The following KCNT2 variants were observed in gnomAD, a reference collection of about 807,000 sequenced individuals.
The protein encoded by KCNT2 is potassium channel subfamily T member 2.
In KCNT2, 67 loss-of-function variants were observed where a neutral mutation model predicts 153.8. The observed-to-expected ratio is 0.44, with a 90% CI of 0.36 to 0.53. KCNT2 has a LOEUF of 0.53. KCNT2 is among the 20% of genes least tolerant of loss of function. The pLI is 0.00. For synonymous variants in KCNT2, 500 were observed against 458.8 expected (o/e 1.09, Z -1.15); for missense variants, 975 against 1,354.8 (o/e 0.72, Z 4.40).
At chr1:196,545,112 A>G (rs1231277536) in intron 1 of KCNT2, among the ~76,000 whole-genome samples, 1 of 152,088 alleles carries the variant, frequency 6.6e-6, no homozygotes, top group Non-Finnish European at 1.5e-5. Flanking sequence ...TGATTCAAAT[A>G]TATTTATAGT....
intron 20 of KCNT2, among the ~76,000 whole-genome samples, chr1:196,317,644 G>A (rs11806027): frequency 0.02 from 3,073 of 151,668 alleles, 85 homozygotes; most frequent in African/African-American, 0.07. Flanking sequence ...GGGCAGTCGA[G>A]GATAAGAGTG....
intron 1 of KCNT2, among the ~76,000 whole-genome samples, chr1:196,574,592 G>A (rs922139077): frequency 6.6e-5 from 10 of 151,588 alleles, no homozygotes; most frequent in Admixed American, 6.6e-5. Context: ...TCCAAATTTC[G>A]AATTGTTTTT....
chr1:196,552,757 G>C (rs1383435825), intron 1 of KCNT2, among the ~76,000 whole-genome samples: 1 of 151,284 alleles, frequency 6.6e-6, no homozygotes, highest in Non-Finnish European at 1.5e-5. Context: ...CAATAAAAAG[G>C]TAAAAAGCAG....
In KCNT2 at chr1:196,555,613, A is replaced by C. The variant is rs1658538809; in HGVS notation, c.95+52602T>G. Among the ~76,000 whole-genome samples, 4 of 151,570 alleles carry C rather than the reference A, an allele frequency of 2.6e-5. No homozygotes were observed. In the South Asian group the frequency reaches 8.3e-4, roughly 31 times the overall value. ...TACTTATTCAATGCCATCCCAATTAAAATACCAATGACATTCTTCACAGAA... is the reference window on the plus strand; with the variant it reads ...TACTTATTCAATGCCATCCCAATTACAATACCAATGACATTCTTCACAGAA... On this transcript the variant is annotated intron_variant, in intron 1 of 27. Transcript: ENST00000294725.
chr1:196,478,658 G>A (rs1043157831), intron 5 of KCNT2, among the ~76,000 whole-genome samples: 11 of 151,944 alleles, frequency 7.2e-5, no homozygotes, highest in Non-Finnish European at 1.0e-4. Flanking sequence ...TATGCTGCTT[G>A]TATTATTATT....
intron 21 of KCNT2, among the ~76,000 whole-genome samples, 198 bp downstream of exon 21, chr1:196,315,694 G>T (rs1662643823): frequency 1.3e-5 from 2 of 151,694 alleles, no homozygotes; most frequent in Non-Finnish European, 2.9e-5. Context: ...TTTATGAGAA[G>T]CATTACTGAT....
chr1:196,507,211 T>C (rs1681218185), intron 1 of KCNT2, among the ~76,000 whole-genome samples: 1 of 152,118 alleles, frequency 6.6e-6, no homozygotes, highest in African/African-American at 2.4e-5. Context: ...CCCTAAGCTA[T>C]CTAAGAAATT....
chr1:196,386,160 A>C (rs1213702568), intron 13 of KCNT2, among the ~76,000 whole-genome samples: 1 of 152,080 alleles, frequency 6.6e-6, no homozygotes, highest in Admixed American at 6.6e-5. Flanking sequence ...CATGTAAGTA[A>C]ACCACTTTGA....
At chr1:196,560,837 T>G (rs1239998336) in intron 1 of KCNT2, among the ~76,000 whole-genome samples, 1 of 151,976 alleles carries the variant, frequency 6.6e-6, no homozygotes, top group Non-Finnish European at 1.5e-5. Flanking sequence ...AACATTTATA[T>G]AAAGTCCCGT....
chr1:196,258,582 G>C, intron 25 of KCNT2, 88 bp from the exon 26 acceptor site: 1 of 1,011,960 alleles, frequency 9.9e-7, no homozygotes, highest in Admixed American at 2.3e-5. Context: ...CTAATATATT[G>C]TTATATTTCT....
intron 16 of KCNT2, among the ~76,000 whole-genome samples, chr1:196,336,876 T>C (rs937284572): frequency 2.6e-5 from 4 of 152,174 alleles, no homozygotes; most frequent in Non-Finnish European, 4.4e-5. Flanking sequence ...CCTACTAGCC[T>C]GCCAGTAGCT....
intron 24 of KCNT2, 27 bp downstream of exon 24, chr1:196,282,246 C>T: frequency 7.8e-7 from 1 of 1,288,132 alleles, no homozygotes; most frequent in African/African-American, 1.5e-5. Context: ...TCACAACTAT[C>T]TTTTATTCTA....
intron 21 of KCNT2, among the ~76,000 whole-genome samples, chr1:196,306,490 A>T (rs1661647384): frequency 6.6e-6 from 1 of 152,040 alleles, no homozygotes; most frequent in Non-Finnish European, 1.5e-5. Context: ...ATTACAGACG[A>T]GTTTTTACCT....
chr1:196,340,407 T>A lies in KCNT2; in HGVS notation c.1717A>T (p.Asn573Tyr), dbSNP rs577921712. The A allele has an allele frequency of 1.2e-6, 2 of 1,613,040 alleles. No individual in the cohort carries two copies. Among genetic ancestry groups the A allele is most frequent in the African/African-American group, 2.7e-5 (2 of 74,994 alleles). ...FKNQDQQRKS[N>Y]VSRSFYHGPS... ...CCATGATAAAACGACCTGGACACAT[T>A]GCTTTTTCTCTGCTGGTCTTGGTTT... Residue 573 changes from asparagine (N) to tyrosine (Y), a missense_variant, in exon 16 of 28, where the codon AAT (asparagine) becomes TAT (tyrosine). This residue lies in a region of KCNT2 where 325 missense variants were observed against 388.1 expected (regional missense o/e 0.84). Transcript: ENST00000294725.
chr1:196,485,505 T>G (rs1679348836), intron 3 of KCNT2, among the ~76,000 whole-genome samples: 1 of 151,982 alleles, frequency 6.6e-6, no homozygotes, highest in African/African-American at 2.4e-5. Flanking sequence ...TACGTCAAAC[T>G]AATGGCATTT....
chr1:196,254,705 G>A (rs1158186305), intron 26 of KCNT2, among the ~76,000 whole-genome samples: 1 of 151,490 alleles, frequency 6.6e-6, no homozygotes, highest in Non-Finnish European at 1.5e-5. Context: ...CATAGTTTGA[G>A]TAACAATAAC....
At chr1:196,544,122 T>C (rs1257279869) in intron 1 of KCNT2, among the ~76,000 whole-genome samples, 2 of 152,026 alleles carry the variant, frequency 1.3e-5, no homozygotes, top group African/African-American at 4.8e-5. Context: ...TAAATATCCA[T>C]GAAAGGTCAC....
intron 14 of KCNT2, among the ~76,000 whole-genome samples, chr1:196,360,641 G>C (rs1272666057): frequency 1.3e-5 from 2 of 151,500 alleles, no homozygotes; most frequent in African/African-American, 2.4e-5. Flanking sequence ...CCGAAGAAGA[G>C]GAAATTTGAA....
intron 12 of KCNT2, among the ~76,000 whole-genome samples, chr1:196,420,529 A>G (rs574819214): frequency 6.6e-6 from 1 of 152,008 alleles, no homozygotes; most frequent in South Asian, 2.1e-4. Flanking sequence ...CATAGATTTC[A>G]TTTTAGAGTG....
Sources: gnomAD v4.1 joint callset for allele counts (sites outside exome capture counted in the v4.1 genomes callset) on GRCh38, gnomAD v4.1.1 for gene constraint, gnomAD v4.1.1 regional missense constraint, MANE v1.5 for transcripts, NCBI Gene and HGNC (gene_info 2026-07-23, HGNC 2026-07-21) for gene names.